Variants in RASGRP3 observed in about 807,000 individuals in gnomAD.
RASGRP3 encodes ras guanyl-releasing protein 3.
Under a neutral mutation model 82.7 loss-of-function variants are expected in RASGRP3, and 54 were observed. The observed-to-expected ratio is 0.65, with a 90% confidence interval of 0.52 to 0.82. The LOEUF is 0.82. Ranked by LOEUF, RASGRP3 falls within the 40% of genes least tolerant of loss-of-function variation. The pLI is 0.00. For synonymous variants in RASGRP3, 309 were observed against 300.5 expected (o/e 1.03, Z -0.29); for missense variants, 861 against 828.9 (o/e 1.04, Z -0.48).
chr2:33,523,541 CAG>C (rs1171065754), intron 7 of RASGRP3, among the ~76,000 whole-genome samples: 5 of 151,798 alleles, frequency 3.3e-5, no homozygotes, highest in African/African-American at 1.2e-4. Context: ...TCCCAGGAAC[CAG>C]CATTTTACCA....
chr2:33,551,898 C>A (rs4078196), intron 14 of RASGRP3, among the ~76,000 whole-genome samples: 1,805 of 152,244 alleles, frequency 0.012, 39 homozygotes, highest in African/African-American at 0.042. Flanking sequence ...GAGGCTGAGG[C>A]AGGAGAATGG....
intron 4 of RASGRP3, among the ~76,000 whole-genome samples, chr2:33,517,612 A>G (rs1671593772): frequency 1.3e-5 from 2 of 152,176 alleles, no homozygotes; most frequent in South Asian, 4.1e-4. Context: ...AGGATATTAG[A>G]CAGTCTATAA....
intron 1 of RASGRP3, among the ~76,000 whole-genome samples, chr2:33,501,200 T>A (rs886249970): frequency 1.3e-5 from 2 of 152,228 alleles, no homozygotes; most frequent in African/African-American, 4.8e-5. Flanking sequence ...CTGGCCTCTT[T>A]CACTTAGTAT....
intron 2 of RASGRP3, among the ~76,000 whole-genome samples, chr2:33,471,507 C>G (rs943721073): frequency 3.3e-5 from 5 of 151,722 alleles, no homozygotes; most frequent in African/African-American, 9.7e-5. Flanking sequence ...TTAGGGCAAC[C>G]TATGTTTACG....
chr2:33,560,641 A>C (rs537932108), intron 17 of RASGRP3, among the ~76,000 whole-genome samples: 12 of 152,352 alleles, frequency 7.9e-5, no homozygotes, highest in African/African-American at 2.9e-4. Context: ...CCCATACACT[A>C]ACTCAGCCTG....
At chr2:33,510,602 G>T (rs779272141) in intron 1 of RASGRP3, among the ~76,000 whole-genome samples, 3 of 152,110 alleles carry the variant, frequency 2.0e-5, no homozygotes, top group Non-Finnish European at 4.4e-5. Context: ...CTCTACTTCA[G>T]GCCTCAACTT....
At position 33,513,581 on chromosome 2, in the gene RASGRP3, G is replaced by A. The variant is rs139147309; in HGVS notation, c.-127-1429G>A. Among the ~76,000 whole-genome samples the A allele has an allele frequency of 3.3e-5, 5 of 152,324 alleles. 1 individual carries two copies. The highest frequency in any genetic ancestry group is 9.6e-5 in the African/African-American group (4 of 41,572). ...CTCACGAGATGAATCCTCAATGGCT[G>A]CATTTACCTACTAAAATGTCTAAAG... On this transcript the variant is annotated intron_variant, in intron 2 of 17. Coordinates refer to ENST00000403687, the MANE Select transcript of RASGRP3 (RefSeq NM_001139488.2).
intron 12 of RASGRP3, among the ~76,000 whole-genome samples, chr2:33,540,553 GTTTTGTGT>G (rs1393210043): frequency 3.6e-4 from 45 of 126,180 alleles, no homozygotes; most frequent in African/African-American, 1.3e-3. Context: ...CTGTGTGTGT[GTTTTGTGT>G]GTGTGTGTGT....
intron 1 of RASGRP3, among the ~76,000 whole-genome samples, chr2:33,443,743 T>A (rs918645008): frequency 3.4e-4 from 49 of 146,014 alleles, no homozygotes; most frequent in African/African-American, 1.2e-3. Flanking sequence ...TAGCTGGGCA[T>A]GGTGGTACGT....
At chr2:33,493,315 C>T (rs571788162) in intron 1 of RASGRP3, 1 of 152,352 alleles carries the variant, frequency 6.6e-6, no homozygotes, top group East Asian at 1.9e-4. Context: ...TGGGTAGAAT[C>T]TGGGGACAAC....
intron 4 of RASGRP3, among the ~76,000 whole-genome samples, chr2:33,517,773 C>T (rs1245533676): frequency 1.3e-5 from 2 of 152,236 alleles, no homozygotes; most frequent in South Asian, 4.2e-4. Context: ...AGAATGTACC[C>T]ACCAACAGCA....
At chr2:33,529,318 C>G (rs58749075) in intron 10 of RASGRP3, among the ~76,000 whole-genome samples, 1 of 150,924 alleles carries the variant, frequency 6.6e-6, no homozygotes, top group South Asian at 2.1e-4. Flanking sequence ...CACGGTGAAA[C>G]GCCATCTCTA....
At chr2:33,503,809 A>C (rs1670101204) in intron 1 of RASGRP3, among the ~76,000 whole-genome samples, 1 of 152,222 alleles carries the variant, frequency 6.6e-6, no homozygotes, top group Non-Finnish European at 1.5e-5. Context: ...TTACATCTTC[A>C]GTATCTATAT....
rs138873363 is a variant in RASGRP3, at chr2:33,467,269, G to A, written c.-261+19326G>A. Among the ~76,000 whole-genome samples, 513 of 152,138 alleles carry A rather than the reference G, an allele frequency of 3.4e-3. 4 individuals carry two copies. The highest frequency in any genetic ancestry group is 0.012 in the African/African-American group (485 of 41,494). ...TTTGTTTGATTCAGGAGCTTTAGAGGTTGCAAAGTCTACTCTCTGATGCTT... is the reference window on the plus strand; with the variant it reads ...TTTGTTTGATTCAGGAGCTTTAGAGATTGCAAAGTCTACTCTCTGATGCTT... On this transcript the variant is annotated intron_variant, in intron 2 of 18. Coordinates refer to the RASGRP3 transcript ENST00000402538.
At chr2:33,479,413 T>TCCAC (rs1667677924) in intron 1 of RASGRP3, among the ~76,000 whole-genome samples, 1 of 151,890 alleles carries the variant, frequency 6.6e-6, no homozygotes, top group South Asian at 2.1e-4. Flanking sequence ...GGACAGCCAC[T>TCCAC]CCACCCATGC....
intron 2 of RASGRP3, among the ~76,000 whole-genome samples, chr2:33,470,923 C>T (rs1667025903): frequency 6.6e-6 from 1 of 151,976 alleles, no homozygotes; most frequent in Non-Finnish European, 1.5e-5. Flanking sequence ...TCATAAAATT[C>T]TTCTTTAGTT....
chr2:33,545,661 T>C (rs4670683), intron 13 of RASGRP3, among the ~76,000 whole-genome samples: 125,911 of 152,182 alleles, frequency 0.83, 52,475 homozygotes, highest in African/African-American at 0.94. Flanking sequence ...GCAAAGGACA[T>C]GAATAGACAC....
At chr2:33,522,876 C>G (rs750518503) in intron 7 of RASGRP3, among the ~76,000 whole-genome samples, 9 of 152,200 alleles carry the variant, frequency 5.9e-5, no homozygotes, top group Non-Finnish European at 1.2e-4. Context: ...ACTAAGTAAT[C>G]CTACTTGGAG....
intron 1 of RASGRP3, among the ~76,000 whole-genome samples, chr2:33,503,620 G>A (rs747997659): frequency 6.6e-5 from 10 of 151,626 alleles, no homozygotes; most frequent in Non-Finnish European, 1.0e-4. Context: ...GTACTTTACC[G>A]TTAATTGATT....
Sources: gnomAD v4.1 joint callset for allele counts (sites outside exome capture counted in the v4.1 genomes callset) on GRCh38, gnomAD v4.1.1 for gene constraint, MANE v1.5 for transcripts, NCBI Gene and HGNC (gene_info 2026-07-23, HGNC 2026-07-21) for gene names.